Variants in GNG7 observed in about 807,000 individuals in gnomAD.
GNG7 encodes G protein subunit gamma 7.
In GNG7, 1 loss-of-function variant was observed where a neutral mutation model predicts 4.0. The ratio of observed to expected loss-of-function variants is 0.25; its 90% CI spans 0.09 to 1.18. GNG7 has a LOEUF of 1.18. Ranked by LOEUF, GNG7 falls within the 50% of genes most tolerant of loss-of-function variation. The pLI, the probability that GNG7 is intolerant of heterozygous loss-of-function variation, is 0.50. For synonymous variants in GNG7, 34 were observed against 36.9 expected (o/e 0.92, Z 0.29); for missense variants, 86 against 91.9 (o/e 0.94, Z 0.26).
chr19:2,564,712 C>A (rs376891071), intron 2 of GNG7, among the ~76,000 whole-genome samples: 181 of 152,196 alleles, frequency 1.2e-3, no homozygotes, highest in African/African-American at 4.2e-3. Context: ...TGGGAGAGGC[C>A]GGAAGGACCC....
chr19:2,552,716 C>T (rs1281733987), intron 3 of GNG7, among the ~76,000 whole-genome samples: 5 of 151,458 alleles, frequency 3.3e-5, no homozygotes, highest in South Asian at 2.1e-4. Flanking sequence ...AAACAAGCTC[C>T]GGGCTCCCAG....
At chr19:2,692,376 C>T (rs1280727134) in intron 1 of GNG7, among the ~76,000 whole-genome samples, 2 of 151,460 alleles carry the variant, frequency 1.3e-5, no homozygotes, top group Admixed American at 1.3e-4. Context: ...TGGCTCACGC[C>T]TGTAATCCCA....
At chr19:2,635,767 C>T (rs146119737) in intron 2 of GNG7, among the ~76,000 whole-genome samples, 1,838 of 152,126 alleles carry the variant, frequency 0.012, 38 homozygotes, top group African/African-American at 0.041. Flanking sequence ...ATTTTTAGTA[C>T]AGAGGAGTTT....
At chr19:2,635,750 T>C (rs1599433107) in intron 2 of GNG7, among the ~76,000 whole-genome samples, 1 of 152,112 alleles carries the variant, frequency 6.6e-6, no homozygotes, top group East Asian at 1.9e-4. Context: ...ACCCAGCTAA[T>C]TTTTGTATTT....
chr19:2,659,236 T>C (rs903748936), intron 1 of GNG7, among the ~76,000 whole-genome samples: 2 of 150,632 alleles, frequency 1.3e-5, no homozygotes, highest in African/African-American at 4.9e-5. Flanking sequence ...CCCAAAGTCC[T>C]GGGATGACAG....
intron 3 of GNG7, among the ~76,000 whole-genome samples, chr19:2,523,662 T>C (rs4807287): frequency 0.88 from 133,356 of 152,116 alleles, 58,550 homozygotes; most frequent in East Asian, 1. Flanking sequence ...CTGAATACTG[T>C]GGAACCTGAG....
chr19:2,648,877 T>TTTTTTTTG (rs1555700213), intron 1 of GNG7, among the ~76,000 whole-genome samples: 2 of 151,786 alleles, frequency 1.3e-5, no homozygotes, highest in Non-Finnish European at 2.9e-5. Flanking sequence ...CATGTGTTTT[T>TTTTTTTTG]TTTTTTGTTT....
intron 2 of GNG7, among the ~76,000 whole-genome samples, chr19:2,603,344 C>T (rs955958313): frequency 4.6e-5 from 7 of 152,206 alleles, no homozygotes; most frequent in Non-Finnish European, 8.8e-5. Context: ...GGATTACAGG[C>T]GTGAGCCGCC....
intron 2 of GNG7, among the ~76,000 whole-genome samples, chr19:2,631,329 T>C (rs1323506766): frequency 1.3e-5 from 2 of 152,190 alleles, no homozygotes; most frequent in Non-Finnish European, 2.9e-5. Context: ...CCTCGCTAGG[T>C]CTCAGCATCC....
intron 3 of GNG7, among the ~76,000 whole-genome samples, chr19:2,542,347 C>G (rs552451084): frequency 6.6e-6 from 1 of 152,048 alleles, no homozygotes; most frequent in East Asian, 1.9e-4. Flanking sequence ...AACTCCTGGC[C>G]TCAAGCAATC....
chr19:2,642,808 G>A (rs1271944916), intron 2 of GNG7: 1 of 456,786 alleles, frequency 2.2e-6, no homozygotes, highest in Non-Finnish European at 4.4e-6. Flanking sequence ...CTGAATGTTT[G>A]AAGAAGCCCA....
chr19:2,619,374 C>T (rs569804422), intron 2 of GNG7, among the ~76,000 whole-genome samples: 144 of 152,364 alleles, frequency 9.5e-4, no homozygotes, highest in African/African-American at 3.3e-3. Flanking sequence ...ACTGTCCAGC[C>T]TGCAAAGGCT....
intron 2 of GNG7, among the ~76,000 whole-genome samples, chr19:2,589,193 G>C (rs1980764360): frequency 6.6e-6 from 1 of 151,080 alleles, no homozygotes. Context: ...CTCCCAAAGT[G>C]CTGGGATTCC....
At chr19:2,679,962 C>A (rs1260839876) in intron 1 of GNG7, among the ~76,000 whole-genome samples, 1 of 152,024 alleles carries the variant, frequency 6.6e-6, no homozygotes, top group Non-Finnish European at 1.5e-5. Context: ...AGGCTTGACC[C>A]ACAGTGGAGA....
chr19:2,584,223 G>A (rs1201844732), intron 2 of GNG7, among the ~76,000 whole-genome samples: 1 of 146,830 alleles, frequency 6.8e-6, no homozygotes, highest in African/African-American at 2.5e-5. Context: ...TGGGAGGATG[G>A]TTTAAGGTCA....
At chr19:2,521,819 G>A (rs977583861) in intron 3 of GNG7, among the ~76,000 whole-genome samples, 16 of 151,954 alleles carry the variant, frequency 1.1e-4, no homozygotes, top group African/African-American at 3.9e-4. Flanking sequence ...TCACCATGTT[G>A]GCCAGGCTGG....
Position 2,513,652 on chromosome 19 carries a change from G to T in GNG7, c.*1370C>A. 1.2e-6 allele frequency: 1 copy of T among 826,924 alleles called. No individual in the cohort carries two copies. Among genetic ancestry groups the T allele is most frequent in the Non-Finnish European group, 1.5e-6 (1 of 685,346 alleles). The allele number at this position is 826,924 out of a possible 1,614,324, so 51.2% of individuals were successfully genotyped here. The stretch of plus-strand genomic sequence containing the variant: ...GGAAAAGCAAAAAGATCGGGTTCGA[G>T]CGACAGGGTAACGTTTTGAGCGGAC... On this transcript the variant is annotated 3_prime_UTR_variant, in exon 5 of 5. Transcript: ENST00000382159.
intron 2 of GNG7, among the ~76,000 whole-genome samples, chr19:2,612,565 T>C (rs1057030555): frequency 6.6e-6 from 1 of 152,044 alleles, no homozygotes; most frequent in African/African-American, 2.4e-5. Flanking sequence ...CCAGGGTTCC[T>C]GGAAATGTTT....
rs71337161 is a variant in GNG7 at position 2,633,470 on chromosome 19, GGC to G, written c.-78+12752_-78+12753del. Among the ~76,000 whole-genome samples the G allele has an allele frequency of 0.074, 9,759 of 132,122 alleles. 493 individuals are homozygous for G. Among genetic ancestry groups the G allele is most frequent in the African/African-American group, 0.11 (3,209 of 30,438 alleles). 86.7% of individuals were successfully genotyped at this position (132,122 alleles called of 152,430 possible). A position where few individuals can be genotyped will look rare whatever the true frequency, so the allele number is the denominator to read the frequency against. On this transcript the variant is annotated intron_variant, in intron 2 of 4. Coordinates refer to ENST00000382159, the MANE Select transcript of GNG7 (RefSeq NM_052847.3). The surrounding 1 kb of genome is among the most constrained non-coding windows in gnomAD (Gnocchi z 5.9). ...CTGTTCAAGCGGTTGCTTAGCAACA[GGC>G]GCGCGCGCGCGCGCGCACACACACA...
Sources: gnomAD v4.1 joint callset for allele counts (sites outside exome capture counted in the v4.1 genomes callset) on GRCh38, gnomAD v4.1.1 for gene constraint, Gnocchi (gnomAD v3.1) non-coding constraint, MANE v1.5 for transcripts, NCBI Gene and HGNC (gene_info 2026-07-23, HGNC 2026-07-21) for gene names.